Variants in SMYD4 observed in about 807,000 individuals in gnomAD.
SMYD4 encodes SET and MYND domain containing 4.
A neutral mutation model predicts 72.8 loss-of-function variants in SMYD4; 68 were observed. The ratio of observed to expected loss-of-function variants is 0.93; its 90% CI spans 0.77 to 1.14. The LOEUF is 1.14. Ranked by LOEUF, SMYD4 falls within the 50% of genes most tolerant of loss-of-function variation. The pLI is 0.00. For missense variants in SMYD4, 984 were observed against 1,003.7 expected (o/e 0.98, Z 0.27); for synonymous variants, 407 against 388.6 (o/e 1.05, Z -0.56).
At chr17:1,821,271 T>C (rs1285696471) in intron 2 of SMYD4, among the ~76,000 whole-genome samples, 1 of 152,094 alleles carries the variant, frequency 6.6e-6, no homozygotes, top group East Asian at 1.9e-4. Flanking sequence ...TCCCAGCACT[T>C]TGGGAGGCCG....
At position 1,800,174 on chromosome 17, in the gene SMYD4, G is replaced by T; in HGVS notation, c.1220C>A (p.Thr407Asn). 1.2e-6 allele frequency: 2 copies of T among 1,610,988 alleles called. No individual in the cohort carries two copies. Among genetic ancestry groups the T allele is most frequent in the Non-Finnish European group, 1.7e-6 (2 of 1,177,926 alleles). ...ATTAATATCGCATCCAGGAATTGGG[G>T]TCTCAACGATGTTGCCATTTTTCTC... ...ESEKNGNIVE[T>N]PIPGCDINGK... The change falls in exon 5 of 11, where the codon ACC becomes AAC. Residue 407 changes from threonine (T) to asparagine (N), a missense_variant. Coordinates refer to ENST00000305513, the MANE Select transcript of SMYD4 (RefSeq NM_052928.3).
At chr17:1,813,122 A>T (rs1301977538) in intron 2 of SMYD4, among the ~76,000 whole-genome samples, 1 of 152,038 alleles carries the variant, frequency 6.6e-6, no homozygotes, top group Non-Finnish European at 1.5e-5. Flanking sequence ...TATTTTCAGT[A>T]CAGGCAGGGT....
At chr17:1,788,420 G>C (rs981517063) in intron 5 of SMYD4, among the ~76,000 whole-genome samples, 1 of 151,332 alleles carries the variant, frequency 6.6e-6, no homozygotes, top group Non-Finnish European at 1.5e-5. Context: ...TTTCTTTTTT[G>C]GTCTTTTCAG....
chr17:1,816,035 C>T (rs1043452252), intron 2 of SMYD4, among the ~76,000 whole-genome samples: 1 of 151,800 alleles, frequency 6.6e-6, no homozygotes, highest in Non-Finnish European at 1.5e-5. Flanking sequence ...AGTTCACTGG[C>T]ATTACATACA....
At position 1,785,763 on chromosome 17, in the gene SMYD4, C is replaced by CAAAAAAAAAAAA. The variant is rs1355052619; in HGVS notation, c.1884+1035_1884+1046dup. Among the ~76,000 whole-genome samples, 209 of 42,022 alleles carry CAAAAAAAAAAAA rather than the reference C, an allele frequency of 5.0e-3. 2 individuals are homozygous for CAAAAAAAAAAAA. Among genetic ancestry groups the CAAAAAAAAAAAA allele is most frequent in the African/African-American group, 0.022 (202 of 9,114 alleles). The allele number at this position is 42,022 out of a possible 152,430, so 27.6% of individuals were successfully genotyped here. On this transcript the variant is annotated intron_variant, in intron 7 of 10. Coordinates refer to ENST00000305513, the MANE Select transcript of SMYD4 (RefSeq NM_052928.3). ...TGGATGACAGGGCAAGACCCCATCT[C>CAAAAAAAAAAAA]AAAAAAAAAAAAGAAAAAAAAAAAA...
intron 4 of SMYD4, 145 bp downstream of exon 4, chr17:1,804,481 G>A: frequency 4.3e-6 from 3 of 703,848 alleles, no homozygotes; most frequent in Non-Finnish European, 7.1e-6. Context: ...CCGACTTTAG[G>A]TAGATATTAA....
intron 2 of SMYD4, among the ~76,000 whole-genome samples, chr17:1,817,425 C>A (rs9916357): frequency 1.3e-5 from 2 of 151,862 alleles, no homozygotes; most frequent in Non-Finnish European, 2.9e-5. Flanking sequence ...CCAGCCTTGA[C>A]TGACCTCCCA....
intron 5 of SMYD4, among the ~76,000 whole-genome samples, chr17:1,799,373 A>G (rs1011536595): frequency 2.7e-5 from 4 of 145,752 alleles, no homozygotes; most frequent in African/African-American, 1.0e-4. Context: ...GAATCAAATA[A>G]TTTTTTTTTT....
intron 3 of SMYD4, among the ~76,000 whole-genome samples, chr17:1,806,171 C>T (rs114370102): frequency 0.011 from 1,612 of 152,004 alleles, 27 homozygotes; most frequent in African/African-American, 0.035. Flanking sequence ...GTGATCCGCT[C>T]GCCTCGGCCT....
At chr17:1,806,327 G>T (rs1237359674) in intron 3 of SMYD4, among the ~76,000 whole-genome samples, 3 of 152,030 alleles carry the variant, frequency 2.0e-5, no homozygotes, top group Non-Finnish European at 4.4e-5. Context: ...AAACTCGACC[G>T]CCTGAAAATA....
At chr17:1,804,411 A>G in intron 4 of SMYD4, 1 of 429,942 alleles carries the variant, frequency 2.3e-6, no homozygotes, top group Non-Finnish European at 4.4e-6. Flanking sequence ...TCTTGACCTC[A>G]GGTGATCCGC....
chr17:1,794,099 ATATATATTTTTT>A (rs1761960129), intron 5 of SMYD4, among the ~76,000 whole-genome samples: 1 of 11,864 alleles, frequency 8.4e-5, no homozygotes, highest in African/African-American at 2.2e-4. Flanking sequence ...ATATATATAT[ATATATATTTTTT>A]TTTTTTTTTT....
intron 5 of SMYD4, among the ~76,000 whole-genome samples, 185 bp from the exon 6 acceptor site, chr17:1,787,789 A>G (rs1179131961): frequency 6.6e-6 from 1 of 152,224 alleles, no homozygotes; most frequent in Non-Finnish European, 1.5e-5. Flanking sequence ...CCAGGAAGCA[A>G]AGTGGATGAA....
chr17:1,803,994 G>A (rs1909906781), intron 4 of SMYD4, among the ~76,000 whole-genome samples: 1 of 151,196 alleles, frequency 6.6e-6, no homozygotes, highest in African/African-American at 2.4e-5. Context: ...TCCTGCCTCA[G>A]CCACTGAAGT....
intron 3 of SMYD4, among the ~76,000 whole-genome samples, chr17:1,805,055 CA>C (rs958329666): frequency 3.2e-4 from 48 of 152,150 alleles, no homozygotes; most frequent in Middle Eastern, 3.4e-3. Context: ...AGAAGAAACA[CA>C]AATAGTTATA....
intron 7 of SMYD4, among the ~76,000 whole-genome samples, chr17:1,786,379 A>G (rs913473004): frequency 6.6e-6 from 1 of 152,148 alleles, no homozygotes; most frequent in Non-Finnish European, 1.5e-5. Context: ...AATTTTTCTC[A>G]TAACATTTTT....
At chr17:1,812,874 G>C (rs538988340) in intron 2 of SMYD4, among the ~76,000 whole-genome samples, 3 of 151,722 alleles carry the variant, frequency 2.0e-5, no homozygotes, top group African/African-American at 4.8e-5. Flanking sequence ...AGGACTGAAG[G>C]CTAATTTTTT....
In SMYD4 at chr17:1,804,649, G is replaced by GC; in HGVS notation, c.345_346insG (p.Leu116AlafsTer8). On this transcript the variant is annotated frameshift_variant, in exon 4 of 11. Transcript: ENST00000305513. LOFTEE classifies it high-confidence loss of function. ...ACCTCATACTGACCCAGGTGGAAGA[G>GC]GGCTGCCGAGCGGTTAGCATGACAC... is the stretch of plus-strand genomic sequence containing the variant. 6.2e-7 allele frequency: 1 copy of GC among 1,613,662 alleles called. No individual in the cohort carries two copies. Among genetic ancestry groups the GC allele is most frequent in the Non-Finnish European group, 8.5e-7 (1 of 1,179,732 alleles).
chr17:1,823,393 CAAAAAAAAAAAAAA>C (rs57044082), intron 2 of SMYD4, among the ~76,000 whole-genome samples: 4 of 65,610 alleles, frequency 6.1e-5, no homozygotes, highest in African/African-American at 6.0e-5. Flanking sequence ...GACTCCGTCT[CAAAAAAAAAAAAAA>C]AAAAAAAAAA....
Sources: gnomAD v4.1 joint callset for allele counts (sites outside exome capture counted in the v4.1 genomes callset) on GRCh38, gnomAD v4.1.1 for gene constraint, MANE v1.5 for transcripts, NCBI Gene and HGNC (gene_info 2026-07-23, HGNC 2026-07-21) for gene names.